Variants in NKAIN2 observed in about 807,000 individuals in gnomAD.
The protein encoded by NKAIN2 is sodium/potassium transporting ATPase interacting 2.
In NKAIN2, 14 loss-of-function variants were observed where a neutral mutation model predicts 32.6. That is an observed-to-expected ratio of 0.43 (90% CI 0.28 to 0.67). The LOEUF (loss-of-function observed/expected upper bound fraction) is 0.67. Among genes scored for constraint, NKAIN2 ranks in the 30% least tolerant of loss-of-function variants. The pLI, the probability that NKAIN2 is intolerant of heterozygous loss-of-function variation, is 0.17. For synonymous variants in NKAIN2, 80 were observed against 87.2 expected (o/e 0.92, Z 0.46); for missense variants, 198 against 258.3 (o/e 0.77, Z 1.60).
chr6:124,488,611 G>C (rs1305214091), intron 3 of NKAIN2, among the ~76,000 whole-genome samples: 1 of 151,912 alleles, frequency 6.6e-6, no homozygotes, highest in Admixed American at 6.6e-5. Flanking sequence ...GTGGAGGGAA[G>C]GTTTCTTCAA....
In NKAIN2 at chr6:123,930,721, A is replaced by G. The variant is rs187510048; in HGVS notation, c.54+126467A>G. ...AATACTTCTTCCTCCTCTTCAGTCA[A>G]TAGGGAAATGTTTGTTGAAAGACTA... On this transcript the variant is annotated intron_variant, in intron 1 of 6. Transcript: ENST00000368417. Among the ~76,000 whole-genome samples the G allele has an allele frequency of 5.0e-3, 758 of 152,244 alleles. 5 individuals carry two copies. Among genetic ancestry groups the G allele is most frequent in the African/African-American group, 0.017 (719 of 41,542 alleles).
At chr6:123,938,060 C>T (rs528480627) in intron 1 of NKAIN2, among the ~76,000 whole-genome samples, 1 of 141,430 alleles carries the variant, frequency 7.1e-6, no homozygotes, top group Non-Finnish European at 1.5e-5. Flanking sequence ...TGATAGCAGC[C>T]ACCTACCTCC....
intron 3 of NKAIN2, among the ~76,000 whole-genome samples, chr6:124,557,879 A>G (rs1780534374): frequency 6.6e-6 from 1 of 152,178 alleles, no homozygotes; most frequent in South Asian, 2.1e-4. Flanking sequence ...TTCTAAAGTG[A>G]CTCATTCAGA....
chr6:124,016,859 C>T (rs141700594), intron 1 of NKAIN2, among the ~76,000 whole-genome samples: 1 of 152,156 alleles, frequency 6.6e-6, no homozygotes, highest in Non-Finnish European at 1.5e-5. Flanking sequence ...TTGGAGCTAG[C>T]ATTTGAATCC....
intron 1 of NKAIN2, among the ~76,000 whole-genome samples, chr6:124,238,183 A>C (rs1403099503): frequency 6.6e-6 from 1 of 152,042 alleles, no homozygotes; most frequent in Non-Finnish European, 1.5e-5. Context: ...GGGAAGAAAA[A>C]CAGGAAGGAG....
intron 1 of NKAIN2, among the ~76,000 whole-genome samples, chr6:123,843,504 C>A (rs1024602821): frequency 6.6e-6 from 1 of 152,018 alleles, no homozygotes; most frequent in Non-Finnish European, 1.5e-5. Context: ...GGGTACAGGG[C>A]AAGGTGTGTG....
chr6:124,031,230 G>A (rs987563314), intron 1 of NKAIN2, among the ~76,000 whole-genome samples: 7 of 152,006 alleles, frequency 4.6e-5, no homozygotes, highest in African/African-American at 1.7e-4. Flanking sequence ...TCACTAATCT[G>A]CCTTTAAATA....
At chr6:123,811,068 A>G (rs1004523821) in intron 1 of NKAIN2, among the ~76,000 whole-genome samples, 4 of 152,172 alleles carry the variant, frequency 2.6e-5, no homozygotes, top group Non-Finnish European at 5.9e-5. Context: ...CTGGCCTAGA[A>G]TATGTGTCTT....
intron 4 of NKAIN2, among the ~76,000 whole-genome samples, chr6:124,723,673 A>G (rs1327413977): frequency 6.6e-6 from 1 of 152,224 alleles, no homozygotes; most frequent in African/African-American, 2.4e-5. Context: ...CTGAACAGGA[A>G]GAAAATCAGT....
At chr6:124,244,168 C>A (rs1483822477) in intron 1 of NKAIN2, among the ~76,000 whole-genome samples, 1 of 150,956 alleles carries the variant, frequency 6.6e-6, no homozygotes, top group Non-Finnish European at 1.5e-5. Context: ...TATACATGTG[C>A]CATGCTGGTG....
intron 3 of NKAIN2, among the ~76,000 whole-genome samples, chr6:124,620,100 C>T (rs1022965331): frequency 6.9e-6 from 1 of 145,816 alleles, no homozygotes; most frequent in Non-Finnish European, 1.5e-5. Context: ...ATGTAACTGA[C>T]ATAGAACAGA....
intron 3 of NKAIN2, among the ~76,000 whole-genome samples, chr6:124,653,444 CAAAAA>C (rs35842873): frequency 4.4e-4 from 35 of 79,682 alleles, no homozygotes; most frequent in Non-Finnish European, 6.4e-4. Flanking sequence ...CATCCACATG[CAAAAA>C]AAAAAAAAAA....
At chr6:124,475,448 T>C (rs1777160182) in intron 3 of NKAIN2, among the ~76,000 whole-genome samples, 1 of 152,100 alleles carries the variant, frequency 6.6e-6, no homozygotes, top group Admixed American at 6.6e-5. Context: ...AGATGGAAAA[T>C]GTAAAAGACC....
At chr6:123,944,055 G>A (rs1776953254) in intron 1 of NKAIN2, among the ~76,000 whole-genome samples, 1 of 151,822 alleles carries the variant, frequency 6.6e-6, no homozygotes, top group South Asian at 2.1e-4. Flanking sequence ...ATAGTCCTAG[G>A]GAATAACTCT....
intron 1 of NKAIN2, among the ~76,000 whole-genome samples, chr6:123,950,647 C>T (rs957157328): frequency 4.0e-5 from 6 of 151,726 alleles, no homozygotes; most frequent in African/African-American, 1.2e-4. Context: ...TGTAATGGCT[C>T]CTTTTTCATT....
At chr6:124,210,716 G>T (rs1034847038) in intron 1 of NKAIN2, among the ~76,000 whole-genome samples, 5 of 148,418 alleles carry the variant, frequency 3.4e-5, no homozygotes, top group Non-Finnish European at 5.9e-5. Context: ...GATTTTTTTT[G>T]TTTGTTTGTT....
chr6:123,805,886 G>A (rs1773194068), intron 1 of NKAIN2, among the ~76,000 whole-genome samples: 2 of 152,082 alleles, frequency 1.3e-5, no homozygotes, highest in Admixed American at 6.5e-5. Context: ...TTTGAAAAAT[G>A]TGATTTAACT....
chr6:124,227,060 G>A (rs1792152313), intron 1 of NKAIN2, among the ~76,000 whole-genome samples: 1 of 138,974 alleles, frequency 7.2e-6, no homozygotes, highest in Non-Finnish European at 1.5e-5. Context: ...AAGTTTGGAA[G>A]ATTCACTATT....
At chr6:123,914,049 A>C (rs191021770) in intron 1 of NKAIN2, among the ~76,000 whole-genome samples, 1 of 152,244 alleles carries the variant, frequency 6.6e-6, no homozygotes, top group African/African-American at 2.4e-5. Context: ...ATAAAATACC[A>C]CAGACTGGCT....
Sources: allele counts gnomAD v4.1 joint callset (sites outside exome capture counted in the v4.1 genomes callset), GRCh38; gene constraint gnomAD v4.1.1; transcripts MANE v1.5; gene names NCBI Gene and HGNC (gene_info 2026-07-23, HGNC 2026-07-21).